The following SWT1 variants were observed in gnomAD, a reference collection of about 807,000 sequenced individuals.
SWT1 encodes SWT1 RNA endoribonuclease homolog, also known as transcriptional protein SWT1.
SWT1 carries 33 observed loss-of-function variants against 107.3 expected under a neutral mutation model. The observed-to-expected ratio is 0.31, with a 90% confidence interval of 0.23 to 0.41. SWT1 has a LOEUF of 0.41. SWT1 is among the 10% of genes least tolerant of loss of function. The pLI is 1.00. For missense variants in SWT1, 898 were observed against 1,028.9 expected (o/e 0.87, Z 1.74); for synonymous variants, 345 against 348.3 (o/e 0.99, Z 0.11).
chr1:185,227,732 G>T, intron 15 of SWT1: 1 of 474,658 alleles, frequency 2.1e-6, no homozygotes, highest in South Asian at 1.7e-5. Flanking sequence ...TCTGCAGCTT[G>T]ACAGAGACCT....
intron 15 of SWT1, among the ~76,000 whole-genome samples, chr1:185,224,487 T>G (rs751128803): frequency 1.2e-4 from 18 of 151,232 alleles, no homozygotes; most frequent in Non-Finnish European, 1.9e-4. Context: ...CATGTGAAAT[T>G]TATGATTTTT....
intron 2 of SWT1, among the ~76,000 whole-genome samples, chr1:185,161,240 C>T (rs180822614): frequency 6.6e-5 from 10 of 152,240 alleles, no homozygotes; most frequent in African/African-American, 1.9e-4. Context: ...TCATTCTTAG[C>T]GATAACTCAA....
intron 5 of SWT1, among the ~76,000 whole-genome samples, chr1:185,175,734 T>G (rs553788481): frequency 2.0e-5 from 3 of 152,132 alleles, no homozygotes; most frequent in African/African-American, 7.2e-5. Flanking sequence ...AAAAAAGCAT[T>G]GTATGCTGGA....
At chr1:185,245,220 C>G (rs1484484990) in intron 16 of SWT1, among the ~76,000 whole-genome samples, 1 of 151,970 alleles carries the variant, frequency 6.6e-6, no homozygotes, top group African/African-American at 2.4e-5. Context: ...TAGCTTTTTT[C>G]TTTTTATAAC....
intron 6 of SWT1, among the ~76,000 whole-genome samples, chr1:185,180,875 A>T (rs1243377537): frequency 6.6e-6 from 1 of 152,166 alleles, no homozygotes; most frequent in Admixed American, 6.5e-5. Flanking sequence ...CTGTTGCTTC[A>T]TTTCCCAACC....
chr1:185,218,971 A>G (rs920673525), intron 14 of SWT1, among the ~76,000 whole-genome samples: 1 of 152,210 alleles, frequency 6.6e-6, no homozygotes, highest in Non-Finnish European at 1.5e-5. Flanking sequence ...CCACTTGCGT[A>G]GTATATACAC....
rs377566540 is a variant in SWT1, at chr1:185,196,981, C to T, written c.1524-5673C>T. ...TCTGATTGCCCTGGCCAGAACTTCCCGTACTATGTTGAATAGGAGTGGAGA... is the reference window on the plus strand; with the variant it reads ...TCTGATTGCCCTGGCCAGAACTTCCTGTACTATGTTGAATAGGAGTGGAGA... On this transcript the variant is annotated intron_variant, in intron 10 of 18. Coordinates refer to ENST00000367500, the MANE Select transcript of SWT1 (RefSeq NM_017673.7). 1.7e-3 allele frequency among the ~76,000 whole-genome samples: 255 copies of T among 152,170 alleles called. 2 individuals carry two copies. Among genetic ancestry groups the T allele is most frequent in the African/African-American group, 6.0e-3 (249 of 41,508 alleles).
At chr1:185,221,742 C>T (rs182572267) in intron 14 of SWT1, 107 bp from the exon 15 acceptor site, 9 of 679,190 alleles carry the variant, frequency 1.3e-5, no homozygotes, top group Non-Finnish European at 2.1e-5. Flanking sequence ...AAAGAATTGC[C>T]ACCACTTCTC....
At chr1:185,275,654 G>A (rs980774622) in intron 17 of SWT1, among the ~76,000 whole-genome samples, 2 of 151,256 alleles carry the variant, frequency 1.3e-5, no homozygotes, top group Non-Finnish European at 1.5e-5. Flanking sequence ...CAAAGTGCTG[G>A]GATTACAGGC....
chr1:185,223,594 C>T (rs1194810181), intron 15 of SWT1, among the ~76,000 whole-genome samples: 1 of 152,080 alleles, frequency 6.6e-6, no homozygotes, highest in Non-Finnish European at 1.5e-5. Context: ...TTTTTATATA[C>T]CTGGTGGCCA....
intron 4 of SWT1, among the ~76,000 whole-genome samples, chr1:185,168,831 T>C (rs564152540): frequency 1.8e-4 from 27 of 152,324 alleles, no homozygotes; most frequent in African/African-American, 5.5e-4. Context: ...TGATTATAGC[T>C]AGAGAACTTG....
intron 16 of SWT1, among the ~76,000 whole-genome samples, chr1:185,252,121 T>C (rs1348403715): frequency 6.6e-6 from 1 of 152,262 alleles, no homozygotes; most frequent in Admixed American, 6.5e-5. Context: ...TCATCATTTT[T>C]TATGGCTGCA....
At chr1:185,200,518 T>G (rs1212089995) in intron 10 of SWT1, among the ~76,000 whole-genome samples, 1 of 152,210 alleles carries the variant, frequency 6.6e-6, no homozygotes, top group Non-Finnish European at 1.5e-5. Flanking sequence ...CTGCTGCAGG[T>G]CTGCTGGAGT....
At chr1:185,283,928 A>G (rs2102779301) in intron 18 of SWT1, among the ~76,000 whole-genome samples, 1 of 152,256 alleles carries the variant, frequency 6.6e-6, no homozygotes, top group African/African-American at 2.4e-5. Context: ...GACTGTTATA[A>G]GTAGTATTGC....
intron 16 of SWT1, among the ~76,000 whole-genome samples, chr1:185,266,284 T>A (rs1663383103): frequency 6.6e-6 from 1 of 152,206 alleles, no homozygotes; most frequent in Non-Finnish European, 1.5e-5. Context: ...CAGGATGGTC[T>A]CGATCTCCTG....
At chr1:185,240,764 T>A (rs1171948270) in intron 16 of SWT1, among the ~76,000 whole-genome samples, 1 of 152,140 alleles carries the variant, frequency 6.6e-6, no homozygotes, top group African/African-American at 2.4e-5. Flanking sequence ...ACAGCTATTT[T>A]TCTAAAATAA....
At chr1:185,236,083 G>A (rs940796372) in intron 16 of SWT1, among the ~76,000 whole-genome samples, 10 of 152,126 alleles carry the variant, frequency 6.6e-5, no homozygotes, top group Admixed American at 2.0e-4. Context: ...TCATGCTCAT[G>A]AGTAGGAAGA....
intron 10 of SWT1, among the ~76,000 whole-genome samples, chr1:185,194,067 T>A (rs1181463244): frequency 6.6e-6 from 1 of 152,208 alleles, no homozygotes; most frequent in Admixed American, 6.5e-5. Flanking sequence ...TCATTCCTGG[T>A]TCTAAAGTCT....
rs1660104486 is a variant in SWT1 at position 185,226,859 on chromosome 1, T to A, written c.2310-4718T>A. ...TGAGGAAGCTTGCCTTCTTTTGAGCTACCCGATCTTTCTTCTGAGCAATGG... is the reference window on the plus strand; with the variant it reads ...TGAGGAAGCTTGCCTTCTTTTGAGCAACCCGATCTTTCTTCTGAGCAATGG... On this transcript the variant is annotated intron_variant, in intron 15 of 18. Transcript: ENST00000367500. The A allele has an allele frequency of 3.9e-6, 6 of 1,533,812 alleles. No individual in the cohort carries two copies. In the Middle Eastern group the frequency reaches 7.2e-4, roughly 184 times the overall value.
Sources: allele counts gnomAD v4.1 joint callset (sites outside exome capture counted in the v4.1 genomes callset), GRCh38; gene constraint gnomAD v4.1.1; transcripts MANE v1.5; gene names NCBI Gene and HGNC (gene_info 2026-07-23, HGNC 2026-07-21).